Variants in PREX2 observed in about 807,000 individuals in gnomAD.
The protein encoded by PREX2 is phosphatidylinositol 3,4,5-trisphosphate-dependent Rac exchanger 2 protein.
A neutral mutation model predicts 203.2 loss-of-function variants in PREX2; 107 were observed. The observed-to-expected ratio is 0.53, with a 90% CI of 0.45 to 0.62. The LOEUF (loss-of-function observed/expected upper bound fraction) is 0.62. Among genes scored for constraint, PREX2 ranks in the 20% least tolerant of loss-of-function variants. The probability of loss-of-function intolerance (pLI) is 0.00; values close to 1 mark genes in which losing one functional copy is unlikely to be tolerated. For synonymous variants in PREX2, 672 were observed against 663.6 expected, an observed-to-expected ratio of 1.01 and a Z score of -0.19; for missense variants, 1,777 against 1,955.9, an observed-to-expected ratio of 0.91 and a Z score of 1.72.
intron 10 of PREX2, among the ~76,000 whole-genome samples, chr8:68,056,234 G>A (rs1344594897): frequency 6.6e-6 from 1 of 152,122 alleles, no homozygotes; most frequent in Admixed American, 6.5e-5. Flanking sequence ...GGGAAAGTGA[G>A]GTTGGGGCCA....
chr8:68,054,067 A>G (rs1231230482), intron 9 of PREX2, among the ~76,000 whole-genome samples: 2 of 152,220 alleles, frequency 1.3e-5, no homozygotes, highest in Non-Finnish European at 2.9e-5. Context: ...ATGAAATTTC[A>G]GAACACAAAG....
intron 37 of PREX2, among the ~76,000 whole-genome samples, chr8:68,203,104 G>A (rs1812540504): frequency 1.3e-5 from 2 of 152,140 alleles, no homozygotes; most frequent in Admixed American, 1.3e-4. Flanking sequence ...CCCTGGGACA[G>A]CTCAATCATT....
intron 1 of PREX2, among the ~76,000 whole-genome samples, chr8:67,999,813 T>C (rs182989605): frequency 5.5e-4 from 83 of 152,270 alleles, no homozygotes; most frequent in African/African-American, 1.9e-3. Context: ...GTTCAACATA[T>C]GCACATCAAT....
At chr8:68,205,263 A>G (rs1017682166) in intron 37 of PREX2, among the ~76,000 whole-genome samples, 1 of 152,236 alleles carries the variant, frequency 6.6e-6, no homozygotes, top group African/African-American at 2.4e-5. Flanking sequence ...AATTTAGATA[A>G]GAGAACTTGT....
Position 68,134,117 on chromosome 8 carries a change from C to T in PREX2, c.3825C>T (p.Val1275=). 1 of 1,614,152 alleles carries T rather than the reference C, an allele frequency of 6.2e-7. No homozygotes were observed. The change falls in exon 32 of 40, where the codon GTC becomes GTT. Residue 1275 remains valine (V), a synonymous_variant. Transcript: ENST00000288368. ...MVFCQTLVAT[V]CAFSEQLMAA... ...TCTGCCAGACTCTTGTGGCCACTGT[C>T]TGTGCCTTCTCTGAGCAGCTCATGG...
chr8:68,203,569 G>A (rs987742729), intron 37 of PREX2, among the ~76,000 whole-genome samples: 18 of 152,254 alleles, frequency 1.2e-4, no homozygotes, highest in African/African-American at 4.3e-4. Flanking sequence ...AATTTTTAGG[G>A]AACACACTTT....
chr8:68,208,233 G>A (rs953956905), intron 37 of PREX2, among the ~76,000 whole-genome samples: 2 of 152,148 alleles, frequency 1.3e-5, no homozygotes, highest in African/African-American at 4.8e-5. Context: ...GAAATGTGCT[G>A]TAGTGAATAC....
chr8:68,144,727 C>G (rs1351675130), intron 33 of PREX2, among the ~76,000 whole-genome samples: 1 of 152,058 alleles, frequency 6.6e-6, no homozygotes, highest in Non-Finnish European at 1.5e-5. Flanking sequence ...TCTCAACACT[C>G]TGGGAGGCCA....
At chr8:68,198,534 T>A (rs1298948571) in intron 37 of PREX2, among the ~76,000 whole-genome samples, 1 of 152,226 alleles carries the variant, frequency 6.6e-6, no homozygotes, top group East Asian at 1.9e-4. Flanking sequence ...TTTAATTTGT[T>A]TTGGTTCTTT....
At chr8:68,157,910 A>G (rs1811572753) in intron 35 of PREX2, among the ~76,000 whole-genome samples, 1 of 151,974 alleles carries the variant, frequency 6.6e-6, no homozygotes, top group Non-Finnish European at 1.5e-5. Context: ...GTGTCCCTTA[A>G]TGCTTGCATT....
intron 39 of PREX2, among the ~76,000 whole-genome samples, chr8:68,225,184 A>T (rs1813034674): frequency 1.3e-5 from 2 of 152,202 alleles, no homozygotes; most frequent in Non-Finnish European, 2.9e-5. Context: ...GGAGGCAGAC[A>T]TATTTCTTTG....
intron 1 of PREX2, among the ~76,000 whole-genome samples, chr8:67,975,958 C>A (rs1028745166): frequency 1.3e-5 from 2 of 151,284 alleles, no homozygotes; most frequent in Non-Finnish European, 2.9e-5. Flanking sequence ...TCAGGTGATC[C>A]ACCTACCTTG....
At chr8:68,197,785 C>T (rs1812427895) in intron 37 of PREX2, among the ~76,000 whole-genome samples, 1 of 147,442 alleles carries the variant, frequency 6.8e-6, no homozygotes, top group East Asian at 2.0e-4. Flanking sequence ...TATATATATG[C>T]TATATTATAT....
chr8:68,032,093 T>C (rs982136992), intron 6 of PREX2, among the ~76,000 whole-genome samples: 2 of 152,160 alleles, frequency 1.3e-5, no homozygotes, highest in Admixed American at 6.6e-5. Flanking sequence ...AAAGGAAGAA[T>C]GAATGTAGGT....
chr8:68,019,685 C>A lies in PREX2; in HGVS notation c.336+14C>A. 6.3e-7 allele frequency: 1 copy of A among 1,594,122 alleles called. No homozygotes were observed. The highest frequency in any genetic ancestry group is 8.5e-7 in the Non-Finnish European group (1 of 1,174,530). ...TTTCTTCACTTTGTAGGATAAATTT[C>A]TTTTTATTTTAAAAGTTCTTTTCCC... is the stretch of plus-strand genomic sequence containing the variant. On this transcript the variant is annotated intron_variant, in intron 3 of 39. Coordinates refer to ENST00000288368, the MANE Select transcript of PREX2 (RefSeq NM_024870.4).
intron 14 of PREX2, among the ~76,000 whole-genome samples, chr8:68,075,306 G>A (rs1379180656): frequency 6.6e-6 from 1 of 152,196 alleles, no homozygotes; most frequent in Non-Finnish European, 1.5e-5. Flanking sequence ...TCAAATGTCA[G>A]TGATTATTAA....
chr8:68,049,744 A>G (rs1460632702), intron 8 of PREX2, among the ~76,000 whole-genome samples: 1 of 152,150 alleles, frequency 6.6e-6, no homozygotes, highest in East Asian at 1.9e-4. Context: ...GCCATTTAAT[A>G]AATTATTTTT....
At chr8:68,168,128 A>T (rs1054448297) in intron 35 of PREX2, among the ~76,000 whole-genome samples, 2 of 152,208 alleles carry the variant, frequency 1.3e-5, no homozygotes, top group African/African-American at 4.8e-5. Flanking sequence ...ACGTGTACGG[A>T]TTTCTCATCT....
intron 23 of PREX2, among the ~76,000 whole-genome samples, chr8:68,101,647 G>A (rs767922653): frequency 1.3e-5 from 2 of 152,164 alleles, no homozygotes; most frequent in African/African-American, 2.4e-5. Context: ...CTAAACAAAT[G>A]CAAATCAGTA....
Sources: allele counts gnomAD v4.1 joint callset (sites outside exome capture counted in the v4.1 genomes callset), GRCh38; gene constraint gnomAD v4.1.1; transcripts MANE v1.5; gene names NCBI Gene and HGNC (gene_info 2026-07-23, HGNC 2026-07-21).